RGS6: variants seen among roughly 807,000 people sequenced by gnomAD.
RGS6 encodes the protein regulator of G protein signaling 6.
RGS6 carries 30 observed loss-of-function variants against 78.5 expected under a neutral mutation model. The observed-to-expected ratio is 0.38, with a 90% CI of 0.29 to 0.52. RGS6 has a LOEUF of 0.52. Ranked by LOEUF, RGS6 falls within the 20% of genes least tolerant of loss-of-function variation. RGS6 has a pLI of 0.85. For synonymous variants in RGS6, 206 were observed against 206.0 expected (o/e 1.00, Z 0.00); for missense variants, 495 against 609.7 (o/e 0.81, Z 1.98).
chr14:72,067,541 C>T (rs537772654), intron 2 of RGS6, among the ~76,000 whole-genome samples: 7 of 146,398 alleles, frequency 4.8e-5, no homozygotes, highest in Admixed American at 2.1e-4. Context: ...GGGTTTAGTG[C>T]GGCACTTTTT....
chr14:72,338,839 A>G (rs2076492169), intron 2 of RGS6, among the ~76,000 whole-genome samples: 1 of 152,216 alleles, frequency 6.6e-6, no homozygotes, highest in Non-Finnish European at 1.5e-5. Flanking sequence ...TTTGCTACAG[A>G]TAGAAGAAGA....
At chr14:71,913,800 C>T in the RGS6 span, among the ~76,000 whole-genome samples, 1 of 152,208 alleles carries the variant, frequency 6.6e-6, no homozygotes, top group African/African-American at 2.4e-5. Context: ...GCACTTTCCT[C>T]CCTGCTTCTT....
the RGS6 span, among the ~76,000 whole-genome samples, chr14:71,922,692 A>T: frequency 6.6e-6 from 1 of 152,184 alleles, no homozygotes; most frequent in South Asian, 2.1e-4. Flanking sequence ...TTTAGTTATC[A>T]TATCTCCTTA....
In RGS6 at chr14:72,465,833, T is replaced by C. The variant is rs2095895552; in HGVS notation, c.459+11T>C. 11 of 1,606,186 alleles carry C rather than the reference T, an allele frequency of 6.8e-6. No individual in the cohort carries two copies. Among genetic ancestry groups the C allele is most frequent in the Non-Finnish European group, 8.5e-6 (10 of 1,172,942 alleles). ...GCAGATTATGAAGCAGTAAGTATGA[T>C]TATTTTCCAGGATACATATAAGAAG... is the stretch of plus-strand genomic sequence containing the variant. On this transcript the variant is annotated intron_variant, in intron 7 of 17. Transcript: ENST00000553525.
At chr14:72,473,194 A>G (rs1324648231) in intron 9 of RGS6, among the ~76,000 whole-genome samples, 2 of 152,222 alleles carry the variant, frequency 1.3e-5, no homozygotes, top group Non-Finnish European at 2.9e-5. Flanking sequence ...CTGTAATCCC[A>G]GCGCTTTGGG....
intron 2 of RGS6, among the ~76,000 whole-genome samples, chr14:72,252,860 T>C (rs2056149860): frequency 6.6e-6 from 1 of 152,228 alleles, no homozygotes; most frequent in South Asian, 2.1e-4. Context: ...CATGGTCTAT[T>C]AACTCTTGAT....
chr14:72,310,036 C>T (rs959691610), intron 2 of RGS6, among the ~76,000 whole-genome samples: 6 of 152,214 alleles, frequency 3.9e-5, no homozygotes, highest in African/African-American at 1.4e-4. Flanking sequence ...CAGCCTCTCT[C>T]CTCCTTCTGC....
the RGS6 span, among the ~76,000 whole-genome samples, chr14:71,908,807 T>C: frequency 1.3e-5 from 2 of 152,194 alleles, no homozygotes; most frequent in Admixed American, 6.5e-5. Flanking sequence ...TCTGGCTTAA[T>C]AAAACATGAC....
intron 12 of RGS6, among the ~76,000 whole-genome samples, chr14:72,491,407 G>A (rs2096576551): frequency 6.6e-6 from 1 of 152,124 alleles, no homozygotes; most frequent in Non-Finnish European, 1.5e-5. Flanking sequence ...GTCACTCAAT[G>A]CAACCAAGAC....
chr14:72,009,175 C>A (rs966262773), intron 2 of RGS6, among the ~76,000 whole-genome samples: 1 of 152,142 alleles, frequency 6.6e-6, no homozygotes, highest in African/African-American at 2.4e-5. Context: ...GGCAACAGAG[C>A]AAGATGCCAT....
intron 3 of RGS6, among the ~76,000 whole-genome samples, chr14:72,448,187 G>T (rs1189267354): frequency 6.6e-6 from 1 of 152,192 alleles, no homozygotes. Context: ...GGTTCCCACC[G>T]TTTGTAAGTG....
intron 7 of RGS6, among the ~76,000 whole-genome samples, chr14:72,468,375 C>CA (rs5809574): frequency 0.48 from 63,781 of 132,318 alleles, 14,387 homozygotes; most frequent in East Asian, 0.78. Context: ...GACTCCGTCT[C>CA]AAAAAAAAAA....
At chr14:72,278,053 C>G (rs919083704) in intron 2 of RGS6, among the ~76,000 whole-genome samples, 8 of 152,192 alleles carry the variant, frequency 5.3e-5, no homozygotes, top group East Asian at 1.9e-4. Flanking sequence ...GGACAGTGTC[C>G]TTTGATAGGA....
intron 2 of RGS6, among the ~76,000 whole-genome samples, chr14:72,267,323 A>G (rs1029300667): frequency 2.0e-5 from 3 of 148,510 alleles, no homozygotes; most frequent in African/African-American, 7.3e-5. Flanking sequence ...TAAAAATTAT[A>G]ATGACATGCA....
At chr14:72,412,358 G>A (rs965093107) in intron 3 of RGS6, among the ~76,000 whole-genome samples, 14 of 152,158 alleles carry the variant, frequency 9.2e-5, no homozygotes, top group Non-Finnish European at 1.5e-5. Flanking sequence ...TTGCATAGAG[G>A]CGTTTATAGT....
intron 3 of RGS6, among the ~76,000 whole-genome samples, chr14:72,452,769 G>A (rs1003338546): frequency 2.0e-5 from 3 of 152,220 alleles, no homozygotes; most frequent in African/African-American, 7.2e-5. Flanking sequence ...TCAATGGTCT[G>A]CACTGGTTTA....
intron 3 of RGS6, among the ~76,000 whole-genome samples, chr14:72,394,125 T>G (rs1303261035): frequency 6.6e-6 from 1 of 151,996 alleles, no homozygotes; most frequent in East Asian, 1.9e-4. Flanking sequence ...TCAACATGAG[T>G]CCTTTTCTAT....
At chr14:72,430,606 T>C (rs2094588286) in intron 3 of RGS6, among the ~76,000 whole-genome samples, 2 of 152,192 alleles carry the variant, frequency 1.3e-5, no homozygotes, top group African/African-American at 4.8e-5. Context: ...TTGCCACCTT[T>C]TCTGAGTTAT....
chr14:72,466,939 A>T (rs2095931874), intron 7 of RGS6, among the ~76,000 whole-genome samples: 1 of 152,204 alleles, frequency 6.6e-6, no homozygotes, highest in African/African-American at 2.4e-5. Flanking sequence ...GGTAAAATTC[A>T]ATTCAGAAAA....
Sources: gnomAD v4.1 joint callset for allele counts (sites outside exome capture counted in the v4.1 genomes callset) on GRCh38, gnomAD v4.1.1 for gene constraint, MANE v1.5 for transcripts, NCBI Gene and HGNC (gene_info 2026-07-23, HGNC 2026-07-21) for gene names.